Variants in PLA2G4E observed in about 807,000 individuals in gnomAD.
PLA2G4E encodes the protein phospholipase A2 group IVE, also known as cytosolic phospholipase A2 epsilon.
PLA2G4E carries 84 observed loss-of-function variants against 109.1 expected under a neutral mutation model. The ratio of observed to expected loss-of-function variants is 0.77; its 90% CI spans 0.65 to 0.92. PLA2G4E has a LOEUF of 0.92. PLA2G4E is among the 40% of genes least tolerant of loss of function. PLA2G4E has a pLI of 0.00. For missense variants in PLA2G4E, 1,057 were observed against 1,076.6 expected, an observed-to-expected ratio of 0.98 and a Z score of 0.25; for synonymous variants, 469 against 436.1, an observed-to-expected ratio of 1.08 and a Z score of -0.94.
At chr15:41,987,080 G>C in intron 17 of PLA2G4E, 92 bp downstream of exon 17, 1 of 1,355,498 alleles carries the variant, frequency 7.4e-7, no homozygotes, top group Non-Finnish European at 1.0e-6. Context: ...AGCCAGAGAA[G>C]TTTTCTTATT....
intron 1 of PLA2G4E, among the ~76,000 whole-genome samples, chr15:42,014,190 C>A (rs1294584835): frequency 4.6e-5 from 7 of 152,156 alleles, no homozygotes; most frequent in African/African-American, 1.7e-4. Flanking sequence ...CCACGCCTGG[C>A]TCCCCATGCT....
At chr15:42,006,640 T>C (rs917463664) in intron 3 of PLA2G4E, among the ~76,000 whole-genome samples, 3 of 152,200 alleles carry the variant, frequency 2.0e-5, no homozygotes, top group Admixed American at 6.5e-5. Flanking sequence ...CTTTGACTCA[T>C]CAGCCCCTAG....
intron 1 of PLA2G4E, among the ~76,000 whole-genome samples, chr15:42,047,982 C>T (rs935922917): frequency 6.6e-6 from 1 of 152,216 alleles, no homozygotes; most frequent in Non-Finnish European, 1.5e-5. Context: ...TAACCCCCCT[C>T]CCGGGCATAG....
intron 1 of PLA2G4E, among the ~76,000 whole-genome samples, chr15:42,030,189 C>T (rs988853263): frequency 1.3e-5 from 2 of 152,160 alleles, no homozygotes; most frequent in African/African-American, 4.8e-5. Context: ...GAAAGAATCA[C>T]AATCTTTCTT....
chr15:42,023,415 AG>A (rs2068666018), intron 1 of PLA2G4E, among the ~76,000 whole-genome samples: 1 of 151,796 alleles, frequency 6.6e-6, no homozygotes, highest in Non-Finnish European at 1.5e-5. Context: ...TCTAAGCAGT[AG>A]GGGGCTATTG....
chr15:42,018,814 T>C (rs997540339), intron 1 of PLA2G4E, among the ~76,000 whole-genome samples: 1 of 152,116 alleles, frequency 6.6e-6, no homozygotes, highest in African/African-American at 2.4e-5. Context: ...CCAGCTCATG[T>C]GGAAAAGAGG....
chr15:41,985,735 T>C (rs1704350), intron 18 of PLA2G4E, 104 bp downstream of exon 18: 444,863 of 1,383,024 alleles, frequency 0.32, 79,681 homozygotes, highest in African/African-American at 0.69. Context: ...GGGGGCTGTC[T>C]AGAGCATGCC....
intron 1 of PLA2G4E, among the ~76,000 whole-genome samples, chr15:42,027,682 G>A (rs1483152865): frequency 6.6e-6 from 1 of 152,104 alleles, no homozygotes; most frequent in African/African-American, 2.4e-5. Context: ...CTGTGTGGTC[G>A]GGCTGCTCAC....
chr15:41,983,445 C>G (rs958936949), exon 20 of PLA2G4E: 4 of 334,108 alleles, frequency 1.2e-5, no homozygotes, highest in African/African-American at 2.1e-5. Context: ...TTCTGGGGGC[C>G]CAGCCTCTTC....
chr15:42,008,714 G>A (rs2068502535), intron 2 of PLA2G4E, among the ~76,000 whole-genome samples: 1 of 152,212 alleles, frequency 6.6e-6, no homozygotes, highest in African/African-American at 2.4e-5. Flanking sequence ...TACCTGGGAG[G>A]AGGGAGGCAG....
intron 1 of PLA2G4E, among the ~76,000 whole-genome samples, chr15:42,050,296 C>G (rs1186246731): frequency 2.0e-5 from 3 of 152,288 alleles, no homozygotes; most frequent in South Asian, 2.1e-4. Flanking sequence ...ATAGAATGCA[C>G]TTGATAAAAG....
intron 1 of PLA2G4E, among the ~76,000 whole-genome samples, chr15:42,014,539 A>T (rs1484366527): frequency 6.6e-6 from 1 of 152,200 alleles, no homozygotes; most frequent in Non-Finnish European, 1.5e-5. Flanking sequence ...AGGCAGGCAC[A>T]GTGTGGCTGC....
Position 42,005,000 on chromosome 15 carries a change from G to T in PLA2G4E, c.526-22C>A, listed in dbSNP as rs753482776. The stretch of plus-strand genomic sequence containing the variant: ...TGCCCTGGTAGGGGAGGGAGGGAAG[G>T]CAGCTGTGAGTGGCGTCTGCACATC... On this transcript the variant is annotated intron_variant, in intron 4 of 19. Transcript: ENST00000399518. 2.5e-6 allele frequency: 4 copies of T among 1,611,488 alleles called. No individual in the cohort carries two copies. The South Asian group carries it at 3.3e-5, about 13-fold the overall frequency.
chr15:42,017,020 A>C (rs140205047), intron 1 of PLA2G4E, among the ~76,000 whole-genome samples: 1 of 152,212 alleles, frequency 6.6e-6, no homozygotes, highest in Non-Finnish European at 1.5e-5. Context: ...GGCAGGGTCA[A>C]CTTTCACCAG....
At chr15:42,032,212 T>G (rs1566849636) in intron 1 of PLA2G4E, among the ~76,000 whole-genome samples, 1 of 152,240 alleles carries the variant, frequency 6.6e-6, no homozygotes, top group Non-Finnish European at 1.5e-5. Flanking sequence ...CTTTGTAAAT[T>G]ACCTAGTCTC....
intron 8 of PLA2G4E, 45 bp downstream of exon 8, chr15:42,000,059 C>T (rs1262957634): frequency 6.4e-7 from 1 of 1,573,434 alleles, no homozygotes; most frequent in Non-Finnish European, 8.6e-7. Context: ...CACCCCCCAC[C>T]TGTCCCAGTC....
At chr15:41,997,504 C>T (rs1450610240) in intron 10 of PLA2G4E, 3 of 340,668 alleles carry the variant, frequency 8.8e-6, no homozygotes, top group South Asian at 9.4e-5. Context: ...ACAATGCGAG[C>T]TGGTACTCAA....
At chr15:42,012,899 T>A (rs1280290922) in intron 2 of PLA2G4E, among the ~76,000 whole-genome samples, 7 of 152,038 alleles carry the variant, frequency 4.6e-5, no homozygotes, top group Non-Finnish European at 1.0e-4. Context: ...ATATACAGCT[T>A]TTTCCCCCTT....
At chr15:42,014,928 C>G (rs1051359858) in intron 1 of PLA2G4E, among the ~76,000 whole-genome samples, 1 of 152,170 alleles carries the variant, frequency 6.6e-6, no homozygotes, top group African/African-American at 2.4e-5. Context: ...AGGTGTCCCC[C>G]TTCCCTAGCA....
Sources: allele counts gnomAD v4.1 joint callset (sites outside exome capture counted in the v4.1 genomes callset), GRCh38; gene constraint gnomAD v4.1.1; transcripts MANE v1.5; gene names NCBI Gene and HGNC (gene_info 2026-07-23, HGNC 2026-07-21).